RUVBL1: variants seen among roughly 807,000 people sequenced by gnomAD.
RUVBL1 encodes the protein RuvB like AAA ATPase 1, also known as ruvB-like 1.
RUVBL1 carries 4 observed loss-of-function variants against 52.4 expected under a neutral mutation model. That is an observed-to-expected ratio of 0.08 (90% confidence interval 0.04 to 0.17). RUVBL1 has a LOEUF of 0.17. Among genes scored for constraint, RUVBL1 ranks in the 10% least tolerant of loss-of-function variants. The pLI, the probability that RUVBL1 is intolerant of heterozygous loss-of-function variation, is 1.00. For missense variants in RUVBL1, 298 were observed against 572.8 expected, an observed-to-expected ratio of 0.52 and a Z score of 4.90; for synonymous variants, 217 against 214.4, an observed-to-expected ratio of 1.01 and a Z score of -0.10.
chr3:128,112,714 A>C (rs1014681966), intron 3 of RUVBL1, among the ~76,000 whole-genome samples, 174 bp downstream of exon 3: 1 of 152,250 alleles, frequency 6.6e-6, no homozygotes, highest in Non-Finnish European at 1.5e-5. Context: ...ACGCACTTCA[A>C]TGAGAAAAAC....
At chr3:128,128,066 G>A (rs1576482542), upstream of RUVBL1, among the ~76,000 whole-genome samples, 2 of 151,614 alleles carry the variant, frequency 1.3e-5, no homozygotes, top group Admixed American at 1.3e-4. Flanking sequence ...ATACATAAAC[G>A]TTGTGTTAGT....
At chr3:128,121,380 G>A (rs141630063) in intron 1 of RUVBL1, among the ~76,000 whole-genome samples, 160 of 151,260 alleles carry the variant, frequency 1.1e-3, no homozygotes, top group African/African-American at 3.8e-3. Context: ...ACAGGTGTGA[G>A]CCACTACGCC....
chr3:128,123,689 C>A lies in RUVBL1; in HGVS notation c.36G>T (p.Thr12=), dbSNP rs201837082. The part of the protein sequence containing the change: ...KIEEVKSTTK[T]QRIASHSHVK... ...CGTGGCTGTGGGAGGCGATGCGCTGCGTCTTCGTAGTGCTCTTCACCTCCT... is the reference window on the plus strand; with the variant it reads ...CGTGGCTGTGGGAGGCGATGCGCTGAGTCTTCGTAGTGCTCTTCACCTCCT... The change falls in exon 1 of 11, where the codon ACG becomes ACT. Residue 12 remains threonine, a synonymous_variant. Transcript: ENST00000322623. The A allele has an allele frequency of 1.6e-5, 25 of 1,611,818 alleles. 1 individual carries two copies. Among genetic ancestry groups the A allele is most frequent in the Non-Finnish European group, 2.1e-5 (25 of 1,179,312 alleles).
chr3:128,098,446 C>T (rs1181201268), intron 7 of RUVBL1, among the ~76,000 whole-genome samples: 1 of 152,178 alleles, frequency 6.6e-6, no homozygotes, highest in African/African-American at 2.4e-5. Flanking sequence ...GGAAGAGCAG[C>T]AGGTTAAATA....
chr3:128,065,732 A>ATTTT (rs758640768), intron 9 of RUVBL1, among the ~76,000 whole-genome samples: 20,188 of 97,336 alleles, frequency 0.21, 3,127 homozygotes, highest in South Asian at 0.25. Context: ...ATCATTAAGA[A>ATTTT]TTTTTTTTTT....
intron 1 of RUVBL1, among the ~76,000 whole-genome samples, chr3:128,142,211 G>A (rs901687193): frequency 6.6e-6 from 1 of 152,218 alleles, no homozygotes; most frequent in African/African-American, 2.4e-5. Flanking sequence ...CTGGGAACGT[G>A]GCCGAGCCTG....
At chr3:128,078,429 C>G (rs947886282), downstream of RUVBL1, among the ~76,000 whole-genome samples, 3 of 152,148 alleles carry the variant, frequency 2.0e-5, no homozygotes, top group African/African-American at 4.8e-5. Flanking sequence ...TTTCAAGAGC[C>G]CTTCCCAGTC....
chr3:128,102,489 T>A (rs1350946222), intron 4 of RUVBL1, among the ~76,000 whole-genome samples: 6 of 152,244 alleles, frequency 3.9e-5, no homozygotes, highest in African/African-American at 1.4e-4. Flanking sequence ...TTCATGGAGA[T>A]CTATGTTATA....
At chr3:128,072,915 T>TG (rs141903927) in intron 9 of RUVBL1, among the ~76,000 whole-genome samples, 14 of 149,932 alleles carry the variant, frequency 9.3e-5, no homozygotes, top group East Asian at 3.9e-4. Context: ...TGCACAGTGA[T>TG]GGGGGGGTAA....
upstream of RUVBL1, among the ~76,000 whole-genome samples, chr3:128,126,734 A>C (rs1200093278): frequency 2.6e-5 from 4 of 152,216 alleles, no homozygotes; most frequent in East Asian, 7.7e-4. Context: ...AACAGAAAAC[A>C]ATGTGGCAGG....
intron 3 of RUVBL1, among the ~76,000 whole-genome samples, chr3:128,109,964 T>C (rs1943341871): frequency 1.3e-5 from 2 of 151,820 alleles, no homozygotes; most frequent in South Asian, 4.2e-4. Flanking sequence ...TACAGGCGTA[T>C]GCCACCATGC....
intron 1 of RUVBL1, among the ~76,000 whole-genome samples, chr3:128,151,557 C>T (rs1163694793): frequency 2.0e-5 from 3 of 151,980 alleles, no homozygotes; most frequent in Non-Finnish European, 4.4e-5. Context: ...GCTTTTACTA[C>T]TAGATTTTTT....
intron 3 of RUVBL1, among the ~76,000 whole-genome samples, chr3:128,111,346 C>A (rs2107705117): frequency 6.6e-6 from 1 of 152,262 alleles, no homozygotes; most frequent in African/African-American, 2.4e-5. Flanking sequence ...AAGATAAGCA[C>A]TGACCACTGT....
At chr3:128,110,688 A>T (rs2107704142) in intron 3 of RUVBL1, among the ~76,000 whole-genome samples, 1 of 152,270 alleles carries the variant, frequency 6.6e-6, no homozygotes, top group African/African-American at 2.4e-5. Flanking sequence ...AAACAGTCAC[A>T]AACTTCAATG....
intron 1 of RUVBL1, among the ~76,000 whole-genome samples, chr3:128,134,410 A>C (rs958643869): frequency 2.6e-5 from 4 of 151,178 alleles, no homozygotes; most frequent in African/African-American, 9.7e-5. Flanking sequence ...TGCAGTAAGC[A>C]GAGATCATGC....
rs113581549 is a variant in RUVBL1 at position 128,116,965 on chromosome 3, G to T, written c.228+2363C>A. Reference sequence around the variant, plus strand: ...AGGTGGGTCTGATGATGGCACCGTGGTCATGTAGGAAGACATCCTTACAAC... The same window carrying T: ...AGGTGGGTCTGATGATGGCACCGTGTTCATGTAGGAAGACATCCTTACAAC... On this transcript the variant is annotated intron_variant, in intron 2 of 10. Coordinates refer to ENST00000322623, the MANE Select transcript of RUVBL1 (RefSeq NM_003707.3). Among the ~76,000 whole-genome samples, 132 of 152,282 alleles carry T rather than the reference G, an allele frequency of 8.7e-4. 1 individual carries two copies. The highest frequency in any genetic ancestry group is 3.1e-3 in the African/African-American group (128 of 41,548).
intron 7 of RUVBL1, among the ~76,000 whole-genome samples, chr3:128,098,199 G>A (rs1943028344): frequency 6.6e-6 from 1 of 152,136 alleles, no homozygotes; most frequent in Admixed American, 6.5e-5. Context: ...ATAGAAAACT[G>A]GAAGATCTGA....
chr3:128,114,828 G>A (rs761388126), intron 2 of RUVBL1, among the ~76,000 whole-genome samples: 1 of 135,534 alleles, frequency 7.4e-6, no homozygotes, highest in African/African-American at 2.9e-5. Flanking sequence ...AGGCTGGACA[G>A]GACCACCCCT....
At chr3:128,121,792 T>TTGGGAAACC (rs1943657429) in intron 1 of RUVBL1, among the ~76,000 whole-genome samples, 1 of 151,958 alleles carries the variant, frequency 6.6e-6, no homozygotes, top group South Asian at 2.1e-4. Flanking sequence ...CTGAAGCTCT[T>TTGGGAAACC]TGGGAAACCC....
Sources: gnomAD v4.1 joint callset for allele counts (sites outside exome capture counted in the v4.1 genomes callset) on GRCh38, gnomAD v4.1.1 for gene constraint, MANE v1.5 for transcripts, NCBI Gene and HGNC (gene_info 2026-07-23, HGNC 2026-07-21) for gene names.